Variants in GLRX3 observed in about 807,000 individuals in gnomAD.
GLRX3 encodes the protein glutaredoxin 3.
A neutral mutation model predicts 49.5 loss-of-function variants in GLRX3; 22 were observed. That is an observed-to-expected ratio of 0.44 (90% CI 0.32 to 0.63). The LOEUF is 0.63. Among genes scored for constraint, GLRX3 ranks in the 30% least tolerant of loss-of-function variants. The probability of loss-of-function intolerance (pLI) is 0.05; values close to 1 mark genes in which losing one functional copy is unlikely to be tolerated. For synonymous variants in GLRX3, 133 were observed against 140.0 expected, an observed-to-expected ratio of 0.95 and a Z score of 0.35; for missense variants, 385 against 396.3, an observed-to-expected ratio of 0.97 and a Z score of 0.24.
At position 130,158,686 on chromosome 10, in the gene GLRX3, G is replaced by A. The variant is rs367807768; in HGVS notation, c.202-1309G>A. 1.2e-4 allele frequency among the ~76,000 whole-genome samples: 18 copies of A among 152,230 alleles called. No homozygotes were observed. In the South Asian group the frequency reaches 3.3e-3, roughly 28 times the overall value. On this transcript the variant is annotated intron_variant, in intron 2 of 10. Transcript: ENST00000331244. ...TTCTGGTCATCTTTGATCTGAGTGT[G>A]CTGTTGTGTATGTGAAAGAAAATAA...
At chr10:130,149,899 A>T (rs1236754467) in intron 2 of GLRX3, among the ~76,000 whole-genome samples, 14 of 146,476 alleles carry the variant, frequency 9.6e-5, no homozygotes, top group Non-Finnish European at 1.6e-4. Flanking sequence ...GAGATACTTG[A>T]CATGGGGACC....
intron 2 of GLRX3, among the ~76,000 whole-genome samples, chr10:130,147,578 T>C (rs967785980): frequency 6.6e-6 from 1 of 152,086 alleles, no homozygotes; most frequent in Non-Finnish European, 1.5e-5. Flanking sequence ...CTTCCAGGAG[T>C]CATCACTTTC....
At chr10:130,165,860 G>A (rs1314747203) in intron 4 of GLRX3, among the ~76,000 whole-genome samples, 2 of 152,196 alleles carry the variant, frequency 1.3e-5, no homozygotes, top group South Asian at 2.1e-4. Context: ...ATTCATAACA[G>A]AAAGGCTGGG....
intron 1 of GLRX3, among the ~76,000 whole-genome samples, chr10:130,136,970 AGG>A (rs1175410778): frequency 6.6e-6 from 1 of 152,122 alleles, no homozygotes; most frequent in African/African-American, 2.4e-5. Flanking sequence ...GCCCGCCGGG[AGG>A]GAGCGGCAGG....
At chr10:130,174,398 C>G (rs1409185434) in intron 8 of GLRX3, among the ~76,000 whole-genome samples, 3 of 152,220 alleles carry the variant, frequency 2.0e-5, no homozygotes, top group African/African-American at 7.2e-5. Flanking sequence ...AAGGCTCGTG[C>G]AGATGGGGGT....
chr10:130,150,868 T>G (rs1282905886), intron 2 of GLRX3, among the ~76,000 whole-genome samples: 1 of 152,190 alleles, frequency 6.6e-6, no homozygotes, highest in Non-Finnish European at 1.5e-5. Flanking sequence ...AGAGCATATG[T>G]TGGATTTCAT....
intron 10 of GLRX3, among the ~76,000 whole-genome samples, chr10:130,176,931 A>G (rs1284199249): frequency 6.6e-6 from 1 of 152,128 alleles, no homozygotes; most frequent in Non-Finnish European, 1.5e-5. Flanking sequence ...ACAATCAATA[A>G]ATCTCATTTA....
At chr10:130,141,238 G>A (rs1270091785) in intron 1 of GLRX3, among the ~76,000 whole-genome samples, 1 of 152,070 alleles carries the variant, frequency 6.6e-6, no homozygotes, top group African/African-American at 2.4e-5. Flanking sequence ...AGCCCAGGAA[G>A]TCGAGGCTGC....
chr10:130,141,240 C>T (rs1055334278), intron 1 of GLRX3, among the ~76,000 whole-genome samples: 2 of 151,868 alleles, frequency 1.3e-5, no homozygotes, highest in East Asian at 1.9e-4. Flanking sequence ...CCCAGGAAGT[C>T]GAGGCTGCAC....
intron 4 of GLRX3, among the ~76,000 whole-genome samples, chr10:130,164,091 T>A (rs1432891350): frequency 6.6e-6 from 1 of 152,220 alleles, no homozygotes; most frequent in Middle Eastern, 3.2e-3. Flanking sequence ...CCCACTGGAC[T>A]CAGCCTAACC....
chr10:130,138,585 C>CCT (rs1862111124), intron 1 of GLRX3, among the ~76,000 whole-genome samples: 1 of 151,984 alleles, frequency 6.6e-6, no homozygotes, highest in Non-Finnish European at 1.5e-5. Flanking sequence ...GAAATTGTTA[C>CCT]GGAAAAAAGC....
intron 3 of GLRX3, 148 bp downstream of exon 3, chr10:130,160,217 G>T (rs1156299159): frequency 3.3e-6 from 2 of 606,616 alleles, no homozygotes; most frequent in Non-Finnish European, 6.0e-6. Context: ...TCTCATTTTT[G>T]CACCGATGCT....
At chr10:130,179,963 C>T (rs2134937710), downstream of GLRX3, 1 of 152,546 alleles carries the variant, frequency 6.6e-6, no homozygotes, top group East Asian at 1.9e-4. Context: ...AGTGAATTAT[C>T]AAGAAACATT....
chr10:130,142,697 ACT>A (rs1862197991), intron 1 of GLRX3, among the ~76,000 whole-genome samples: 1 of 151,608 alleles, frequency 6.6e-6, no homozygotes, highest in Non-Finnish European at 1.5e-5. Context: ...CATTGAAGGT[ACT>A]CTCTCTGTTA....
intron 4 of GLRX3, among the ~76,000 whole-genome samples, chr10:130,162,933 A>G (rs562884032): frequency 1.6e-3 from 245 of 152,284 alleles, no homozygotes; most frequent in Non-Finnish European, 2.1e-3. Context: ...TTCAGTGTAG[A>G]TATTGTATGA....
chr10:130,136,637 G>A (rs1419131655), intron 1 of GLRX3, 125 bp downstream of exon 1: 1 of 1,152,348 alleles, frequency 8.7e-7, no homozygotes, highest in East Asian at 3.2e-5. Flanking sequence ...CGGCCTCGGG[G>A]GACCGGGCCC....
intron 8 of GLRX3, among the ~76,000 whole-genome samples, chr10:130,173,713 A>G (rs1339993056): frequency 1.3e-5 from 2 of 152,148 alleles, no homozygotes; most frequent in African/African-American, 2.4e-5. Context: ...CTTTAGTTCA[A>G]CTTGAACAAA....
intron 1 of GLRX3, among the ~76,000 whole-genome samples, chr10:130,138,081 A>C (rs1354876536): frequency 6.6e-6 from 1 of 152,050 alleles, no homozygotes; most frequent in African/African-American, 2.4e-5. Context: ...TTTTCGAGAC[A>C]GGCTGTTGCT....
At chr10:130,150,930 T>G (rs1048346329) in intron 2 of GLRX3, among the ~76,000 whole-genome samples, 2 of 111,756 alleles carry the variant, frequency 1.8e-5, no homozygotes, top group African/African-American at 3.0e-5. Context: ...GGTAGAATTG[T>G]TTTTTTTTTT....
Sources: allele counts gnomAD v4.1 joint callset (sites outside exome capture counted in the v4.1 genomes callset), GRCh38; gene constraint gnomAD v4.1.1; transcripts MANE v1.5; gene names NCBI Gene and HGNC (gene_info 2026-07-23, HGNC 2026-07-21).